Variants in TRPM7 observed in about 807,000 individuals in gnomAD.
TRPM7 encodes the protein LTRPC ion channel family member 7.
A neutral mutation model predicts 229.7 loss-of-function variants in TRPM7; 134 were observed. The observed-to-expected ratio is 0.58, with a 90% CI of 0.51 to 0.67. TRPM7 has a LOEUF of 0.67. Ranked by LOEUF, TRPM7 falls within the 30% of genes least tolerant of loss-of-function variation. The probability of loss-of-function intolerance (pLI) is 0.00; values close to 1 mark genes in which losing one functional copy is unlikely to be tolerated. For synonymous variants in TRPM7, 699 were observed against 715.2 expected (o/e 0.98, Z 0.36); for missense variants, 1,901 against 2,210.0 (o/e 0.86, Z 2.80).
chr15:50,639,368 T>G (rs1048525649), intron 6 of TRPM7, 56 bp downstream of exon 6: 245 of 1,399,158 alleles, frequency 1.8e-4, no homozygotes, highest in Non-Finnish European at 2.1e-4. Flanking sequence ...CTATTCTTAC[T>G]ATAATTTTGT....
At position 50,641,771 on chromosome 15, in the gene TRPM7, G is replaced by A. The variant is rs543409416; in HGVS notation, c.535+1569C>T. Among the ~76,000 whole-genome samples, 11 of 152,166 alleles carry A rather than the reference G, an allele frequency of 7.2e-5. No homozygotes were observed. The South Asian group carries it at 1.0e-3, about 14-fold the overall frequency. On this transcript the variant is annotated intron_variant, in intron 5 of 38. Transcript: ENST00000646667. ...CCCCAGTACTTTGGGAGGCCTAGGC[G>A]GGCGGATCACCTGAGGTCAGAAGTT... is the stretch of plus-strand genomic sequence containing the variant.
intron 36 of TRPM7, among the ~76,000 whole-genome samples, chr15:50,573,784 GGT>G (rs1433913117): frequency 3.3e-5 from 5 of 152,138 alleles, no homozygotes; most frequent in Non-Finnish European, 5.9e-5. Flanking sequence ...AGCCAGGCCG[GGT>G]GTGGTGGCTC....
At chr15:50,675,518 T>C (rs1284617126) in intron 1 of TRPM7, among the ~76,000 whole-genome samples, 3 of 152,148 alleles carry the variant, frequency 2.0e-5, no homozygotes, top group Non-Finnish European at 4.4e-5. Context: ...AGGAATCGGC[T>C]TCACAAATCC....
rs1383514754 is a variant in TRPM7, at chr15:50,679,536, ATATTT to A, written c.3+6990_3+6994del. ...AATATATATATATATATATATATAT[ATATTT>A]TTTTTTTTTTTTGAGACAGAGTCTT... On this transcript the variant is annotated intron_variant, in intron 1 of 38. Transcript: ENST00000646667. Among the ~76,000 whole-genome samples the A allele has an allele frequency of 3.7e-3, 182 of 48,944 alleles. 1 individual carries two copies. Among genetic ancestry groups the A allele is most frequent in the Non-Finnish European group, 4.5e-3 (128 of 28,510 alleles). 32.1% of individuals were successfully genotyped at this position (48,944 alleles called of 152,430 possible). A position where few individuals can be genotyped will look rare whatever the true frequency, so the allele number is the denominator to read the frequency against.
chr15:50,659,169 G>C (rs2061664043), intron 2 of TRPM7, among the ~76,000 whole-genome samples: 1 of 149,110 alleles, frequency 6.7e-6, no homozygotes, highest in Non-Finnish European at 1.5e-5. Context: ...CACCAGCCTG[G>C]ATGACAGAGC....
In TRPM7 at chr15:50,605,022, T is replaced by G; in HGVS notation, c.2832A>C (p.Gly944=). 6.2e-7 allele frequency: 1 copy of G among 1,613,954 alleles called. No homozygotes were observed. The highest frequency in any genetic ancestry group is 8.5e-7 in the Non-Finnish European group (1 of 1,179,922). The change falls in exon 21 of 39, where the codon GGA becomes GGC. Residue 944 remains glycine (G), a synonymous_variant. Transcript: ENST00000646667. ...ATGCATTTGCAAAGTTCCATTTTGC[T>G]CCAAATCTTAGTCCAAATCCAATGA... ...SFFIGFGLRF[G]AKWNFANAYD... is the part of the protein sequence containing the mutation.
At position 50,574,936 on chromosome 15, in the gene TRPM7, A is replaced by G. The variant is rs775520109; in HGVS notation, c.4935T>C (p.Tyr1645=). 13 of 1,614,098 alleles carry G rather than the reference A, an allele frequency of 8.1e-6. No individual in the cohort carries two copies. The highest frequency in any genetic ancestry group is 2.2e-5 in the East Asian group (1 of 44,868). The change falls in exon 34 of 39, where the codon TAT becomes TAC. Residue 1645 remains tyrosine (Y), a synonymous_variant. Transcript: ENST00000646667. ...CCTCTGGAAGAAAAGATTTGATAATATAAAGATGCCCTGATTTGAGGATAT... is the reference window on the plus strand; with the variant it reads ...CCTCTGGAAGAAAAGATTTGATAATGTAAAGATGCCCTGATTTGAGGATAT... ...EHDILKSGHL[Y]IIKSFLPEVV... is the part of the protein sequence containing the mutation.
chr15:50,653,325 T>A (rs2061475090), intron 3 of TRPM7, among the ~76,000 whole-genome samples: 1 of 152,210 alleles, frequency 6.6e-6, no homozygotes, highest in Non-Finnish European at 1.5e-5. Flanking sequence ...ACTGAATGTC[T>A]GTTCATTATA....
chr15:50,681,014 A>G lies in TRPM7; in HGVS notation c.3+5517T>C, dbSNP rs532933543. Among the ~76,000 whole-genome samples, 156 of 152,250 alleles carry G rather than the reference A, an allele frequency of 1.0e-3. 8 individuals are homozygous for G. In the South Asian group the frequency reaches 0.031, roughly 30 times the overall value. On this transcript the variant is annotated intron_variant, in intron 1 of 38. Coordinates refer to ENST00000646667, the MANE Select transcript of TRPM7 (RefSeq NM_017672.6). ...ATGCCTGTAATCCCAGCACTTTGGG[A>G]GGCCAAGGCGGGCAGATCACGAGGT...
chr15:50,677,748 AAAAAAAAAAAAAC>A (rs1373910452), intron 1 of TRPM7, among the ~76,000 whole-genome samples: 2 of 148,140 alleles, frequency 1.4e-5, no homozygotes, highest in African/African-American at 2.5e-5. Context: ...CAAAAAAAAA[AAAAAAAAAAAAAC>A]AAAAGGTAAC....
chr15:50,624,377 G>T, intron 11 of TRPM7, 77 bp from the exon 12 acceptor site: 1 of 1,231,022 alleles, frequency 8.1e-7, no homozygotes, highest in Non-Finnish European at 1.1e-6. Context: ...TAAGTCCTTA[G>T]GATTTACATT....
chr15:50,645,521 A>G (rs190194476), intron 4 of TRPM7, among the ~76,000 whole-genome samples: 1,712 of 152,226 alleles, frequency 0.011, 20 homozygotes, highest in Admixed American at 0.019. Context: ...TAGTAGAGAC[A>G]GGGTTTTGCC....
In TRPM7 at chr15:50,607,200, C is replaced by T. The variant is rs2059940238; in HGVS notation, c.2709G>A (p.Glu903=). 6.2e-7 allele frequency: 1 copy of T among 1,604,388 alleles called. No individual in the cohort carries two copies. Among genetic ancestry groups the T allele is most frequent in the Admixed American group, 1.7e-5 (1 of 57,746 alleles). The change falls in exon 20 of 39, where the codon GAG becomes GAA. Residue 903 remains glutamate (E), a splice_region_variant and synonymous_variant. Transcript: ENST00000646667. ...TGGTAGAAAAAAACTAAAGACATAC[C>T]TCACGGACTTTCTCAATGGCATAAG... ...IFTYAIEKVR[E]IFMSEAGKVN...
chr15:50,581,065 A>G (rs2414060), intron 29 of TRPM7, among the ~76,000 whole-genome samples, 157 bp from the exon 30 acceptor site: 58,094 of 152,022 alleles, frequency 0.38, 11,639 homozygotes, highest in Admixed American at 0.49. Flanking sequence ...TTTATTTATT[A>G]TAACTGTATT....
At chr15:50,654,833 T>TAAA (rs35864924) in intron 3 of TRPM7, among the ~76,000 whole-genome samples, 4 of 147,210 alleles carry the variant, frequency 2.7e-5, no homozygotes, top group Admixed American at 6.8e-5. Flanking sequence ...CCATCTCTAC[T>TAAA]AAAAAAAACC....
At chr15:50,610,621 G>A (rs1056665116) in intron 17 of TRPM7, among the ~76,000 whole-genome samples, 1 of 152,056 alleles carries the variant, frequency 6.6e-6, no homozygotes, top group Admixed American at 6.5e-5. Flanking sequence ...AAAGGTACAT[G>A]CCATTTTACC....
At chr15:50,638,945 G>A (rs370200874) in intron 6 of TRPM7, among the ~76,000 whole-genome samples, 4 of 152,160 alleles carry the variant, frequency 2.6e-5, no homozygotes, top group Admixed American at 2.6e-4. Flanking sequence ...CCTCCAAAGT[G>A]CTGGGATTAC....
intron 26 of TRPM7, among the ~76,000 whole-genome samples, chr15:50,591,362 C>A (rs867323509): frequency 6.6e-6 from 1 of 151,936 alleles, no homozygotes; most frequent in African/African-American, 2.4e-5. Context: ...AGGTTTTCAA[C>A]AAGAGTTGAT....
At chr15:50,578,247 T>C (rs1343321334) in intron 31 of TRPM7, among the ~76,000 whole-genome samples, 1 of 152,196 alleles carries the variant, frequency 6.6e-6, no homozygotes, top group Non-Finnish European at 1.5e-5. Flanking sequence ...AGCAGTGGGA[T>C]GTATAGTGGA....
Sources: allele counts gnomAD v4.1 joint callset (sites outside exome capture counted in the v4.1 genomes callset), GRCh38; gene constraint gnomAD v4.1.1; transcripts MANE v1.5; gene names NCBI Gene and HGNC (gene_info 2026-07-23, HGNC 2026-07-21).